The following MEF2A variants were observed in gnomAD, a reference collection of about 807,000 sequenced individuals.
MEF2A encodes myocyte-specific enhancer factor 2A.
A neutral mutation model predicts 55.8 loss-of-function variants in MEF2A; 28 were observed. That is an observed-to-expected ratio of 0.50 (90% CI 0.37 to 0.69). The LOEUF (loss-of-function observed/expected upper bound fraction) is 0.69. MEF2A is among the 30% of genes least tolerant of loss of function. The pLI, the probability that MEF2A is intolerant of heterozygous loss-of-function variation, is 0.00. For missense variants in MEF2A, 528 were observed against 626.2 expected (o/e 0.84, Z 1.67); for synonymous variants, 239 against 227.1 (o/e 1.05, Z -0.47).
At chr15:99,608,873 C>T (rs1346890474) in intron 2 of MEF2A, among the ~76,000 whole-genome samples, 1 of 151,716 alleles carries the variant, frequency 6.6e-6, no homozygotes, top group Non-Finnish European at 1.5e-5. Flanking sequence ...TGGACTCCAG[C>T]CTGGGTAATA....
chr15:99,674,581 T>G lies in MEF2A; in HGVS notation c.579T>G (p.Ala193=), dbSNP rs2051540504. The change falls in exon 6 of 12, where the codon GCT becomes GCG. Residue 193 remains alanine (A), a synonymous_variant. Transcript: ENST00000557942. ...TTLHRNVSPG[A]PQRPPSTGNA... is the part of the protein sequence containing the mutation. Reference sequence around the variant, plus strand: ...TACATAGAAATGTGTCTCCTGGAGCTCCTCAGAGACCACCAAGTACTGGCA... The same window carrying G: ...TACATAGAAATGTGTCTCCTGGAGCGCCTCAGAGACCACCAAGTACTGGCA... The G allele has an allele frequency of 2.5e-6, 4 of 1,613,810 alleles. No individual in the cohort carries two copies. Among genetic ancestry groups the G allele is most frequent in the Middle Eastern group, 3.3e-4 (2 of 6,084 alleles).
chr15:99,697,365 C>T (rs1253803695), intron 8 of MEF2A, among the ~76,000 whole-genome samples: 1 of 151,562 alleles, frequency 6.6e-6, no homozygotes, highest in African/African-American at 2.4e-5. Context: ...AAAAACTCCT[C>T]GGACCAATCA....
intron 2 of MEF2A, among the ~76,000 whole-genome samples, chr15:99,604,822 C>T (rs1281429179): frequency 1.3e-5 from 2 of 151,958 alleles, no homozygotes; most frequent in Non-Finnish European, 2.9e-5. Flanking sequence ...CCAGAGAAGC[C>T]TTTTCCGTGG....
chr15:99,616,385 G>C (rs1412625033), intron 2 of MEF2A, among the ~76,000 whole-genome samples: 4 of 151,982 alleles, frequency 2.6e-5, no homozygotes, highest in Non-Finnish European at 5.9e-5. Flanking sequence ...TCTTGATCTT[G>C]CTGTAATCAC....
At chr15:99,620,397 T>C (rs1015629953) in intron 2 of MEF2A, among the ~76,000 whole-genome samples, 1 of 152,254 alleles carries the variant, frequency 6.6e-6, no homozygotes, top group African/African-American at 2.4e-5. Context: ...TGTGTCTATA[T>C]ACACTCAATG....
At chr15:99,608,405 C>G (rs1387914168) in intron 2 of MEF2A, among the ~76,000 whole-genome samples, 1 of 152,186 alleles carries the variant, frequency 6.6e-6, no homozygotes, top group Non-Finnish European at 1.5e-5. Flanking sequence ...TTGAATGTCT[C>G]TAATCTAAAA....
intron 7 of MEF2A, among the ~76,000 whole-genome samples, chr15:99,682,855 ACTTT>A (rs993103499): frequency 7.2e-5 from 11 of 152,338 alleles, no homozygotes; most frequent in Admixed American, 5.2e-4. Flanking sequence ...AGGAAATTCT[ACTTT>A]CTTCTTCAGA....
chr15:99,572,131 C>A (rs1962597560), intron 1 of MEF2A, among the ~76,000 whole-genome samples: 1 of 150,074 alleles, frequency 6.7e-6, no homozygotes, highest in Non-Finnish European at 1.5e-5. Context: ...CTCTCAAAAT[C>A]AAGTCCTCCA....
intron 9 of MEF2A, among the ~76,000 whole-genome samples, chr15:99,705,125 ACT>A (rs1484069644): frequency 1.3e-5 from 2 of 152,212 alleles, no homozygotes; most frequent in Non-Finnish European, 1.5e-5. Flanking sequence ...ATTGTGGATG[ACT>A]CTGATCCGAA....
chr15:99,581,053 A>G (rs145617419), intron 1 of MEF2A, among the ~76,000 whole-genome samples: 1 of 151,974 alleles, frequency 6.6e-6, no homozygotes, highest in African/African-American at 2.4e-5. Flanking sequence ...GATTTAACAT[A>G]AAGTTGGAAT....
intron 3 of MEF2A, among the ~76,000 whole-genome samples, chr15:99,636,419 T>G (rs2043851155): frequency 6.6e-6 from 1 of 152,176 alleles, no homozygotes; most frequent in Non-Finnish European, 1.5e-5. Context: ...CGATCATAGG[T>G]CACTGTAACT....
At chr15:99,655,323 A>G (rs2153537958) in intron 4 of MEF2A, among the ~76,000 whole-genome samples, 1 of 152,296 alleles carries the variant, frequency 6.6e-6, no homozygotes, top group East Asian at 1.9e-4. Context: ...ATATAGAAAA[A>G]AAATAAGCCT....
intron 1 of MEF2A, among the ~76,000 whole-genome samples, chr15:99,582,185 A>G (rs555084120): frequency 2.6e-5 from 4 of 152,130 alleles, no homozygotes; most frequent in African/African-American, 9.7e-5. Context: ...CTTATTATTA[A>G]CATTAATAAT....
chr15:99,669,595 A>T (rs960272441), intron 4 of MEF2A, among the ~76,000 whole-genome samples: 11 of 152,220 alleles, frequency 7.2e-5, no homozygotes, highest in African/African-American at 2.7e-4. Flanking sequence ...GGAGAAATAG[A>T]TGTTGTGTTT....
intron 7 of MEF2A, among the ~76,000 whole-genome samples, 193 bp downstream of exon 7, chr15:99,675,651 C>T (rs1425572879): frequency 2.0e-5 from 3 of 152,198 alleles, no homozygotes; most frequent in Non-Finnish European, 4.4e-5. Context: ...TACCAAACTA[C>T]TCTATCTTAC....
At chr15:99,690,117 C>CA in intron 7 of MEF2A, 124 bp from the exon 8 acceptor site, 3 of 889,554 alleles carry the variant, frequency 3.4e-6, no homozygotes, top group Non-Finnish European at 5.1e-6. Context: ...AAGGGATACT[C>CA]AAACCTGTAG....
chr15:99,629,854 C>T (rs1245945647), intron 2 of MEF2A, among the ~76,000 whole-genome samples: 2 of 151,986 alleles, frequency 1.3e-5, no homozygotes, highest in Non-Finnish European at 1.5e-5. Flanking sequence ...GCAGGAGAAT[C>T]GCTTGAACCG....
At chr15:99,631,445 T>A (rs2042925688) in intron 2 of MEF2A, among the ~76,000 whole-genome samples, 1 of 152,198 alleles carries the variant, frequency 6.6e-6, no homozygotes, top group South Asian at 2.1e-4. Context: ...TTGTACATGT[T>A]GTTCTCCCTG....
rs889560741 is a variant in MEF2A, at chr15:99,690,104, G to A, written c.671-137G>A. 4.6e-5 allele frequency: 36 copies of A among 775,182 alleles called. No individual in the cohort carries two copies. The African/African-American group carries it at 5.9e-4, about 13-fold the overall frequency. 48.0% of individuals were successfully genotyped at this position (775,182 alleles called of 1,614,324 possible). A position where few individuals can be genotyped will look rare whatever the true frequency, so the allele number is the denominator to read the frequency against. On this transcript the variant is annotated intron_variant, in intron 7 of 11. Transcript: ENST00000557942. Reference sequence around the variant, plus strand: ...AACACTTCTGGTCCCAAGCATTTCGGACAAGGGATACTCAAACCTGTAGTG... The same window carrying A: ...AACACTTCTGGTCCCAAGCATTTCGAACAAGGGATACTCAAACCTGTAGTG...
Sources: gnomAD v4.1 joint callset for allele counts (sites outside exome capture counted in the v4.1 genomes callset) on GRCh38, gnomAD v4.1.1 for gene constraint, MANE v1.5 for transcripts, NCBI Gene and HGNC (gene_info 2026-07-23, HGNC 2026-07-21) for gene names.